C2: variants seen among roughly 807,000 people sequenced by gnomAD.
C2 encodes C3/C5 convertase.
A neutral mutation model predicts 85.2 loss-of-function variants in C2; 64 were observed. That is an observed-to-expected ratio of 0.75 (90% CI 0.61 to 0.92). The LOEUF (loss-of-function observed/expected upper bound fraction) is 0.92. C2 is among the 40% of genes least tolerant of loss of function. The pLI, the probability that C2 is intolerant of heterozygous loss-of-function variation, is 0.00. For synonymous variants in C2, 311 were observed against 370.8 expected, an observed-to-expected ratio of 0.84 and a Z score of 1.85; for missense variants, 820 against 971.6, an observed-to-expected ratio of 0.84 and a Z score of 2.07.
In C2 at chr6:31,945,578, CCA is replaced by C. The variant is rs577320124; in HGVS notation, c.*222_*223del. The C allele has an allele frequency of 9.4e-5, 56 of 598,682 alleles. No homozygotes were observed. In the Admixed American group the frequency reaches 1.4e-3, roughly 15 times the overall value. The allele number at this position is 598,682 out of a possible 1,614,324, so 37.1% of individuals were successfully genotyped here. ...CCACCTCCCGCTCCTTGGCCTGTCCCCAGATTCCTTCCCTGGTTGACTTGACT... is the reference window on the plus strand; with the variant it reads ...CCACCTCCCGCTCCTTGGCCTGTCCCGATTCCTTCCCTGGTTGACTTGACT... On this transcript the variant is annotated 3_prime_UTR_variant, in exon 18 of 18. Coordinates refer to ENST00000299367, the MANE Select transcript of C2 (RefSeq NM_000063.6). This position sits in a 1 kb window ranked among gnomAD's most constrained non-coding sequence, Gnocchi z 5.3.
At chr6:31,932,595 GA>G (rs1769978429) in intron 3 of C2, 9 of 161,842 alleles carry the variant, frequency 5.6e-5, no homozygotes, top group African/African-American at 1.3e-4. Flanking sequence ...TCCTAGATGG[GA>G]TGGCGGCCGG....
intron 1 of C2, among the ~76,000 whole-genome samples, chr6:31,909,535 C>T (rs1767946272): frequency 6.6e-6 from 1 of 152,002 alleles, no homozygotes; most frequent in South Asian, 2.1e-4. Flanking sequence ...AAGGGATCCG[C>T]CTGCCTTGGC....
intron 3 of C2, among the ~76,000 whole-genome samples, chr6:31,931,677 A>G (rs1329271494): frequency 3.9e-5 from 6 of 152,146 alleles, no homozygotes; most frequent in East Asian, 1.9e-4. Context: ...CTACACAGAC[A>G]CGGCAACCAT....
intron 3 of C2, 92 bp downstream of exon 3, chr6:31,929,009 T>A: frequency 1.7e-6 from 2 of 1,182,682 alleles, no homozygotes; most frequent in South Asian, 2.9e-5. Flanking sequence ...TCTGTGGGGA[T>A]AGGAGTCTGT....
In C2 at chr6:31,906,763, A is replaced by T. The variant is rs1441365858; in HGVS notation, c.73+5624A>T. ...ATGACCTAATCCATATCCCAAGTTT[A>T]AAAAAAAAATTGTTCATTTTATTTT... On this transcript the variant is annotated intron_variant, in intron 1 of 3. Coordinates refer to the C2 transcript ENST00000452202. Among the ~76,000 whole-genome samples the T allele has an allele frequency of 1.3e-5, 2 of 150,244 alleles. 1 individual carries two copies. Among genetic ancestry groups the T allele is most frequent in the Non-Finnish European group, 3.0e-5 (2 of 67,500 alleles).
chr6:31,911,850 G>A (rs998191015), intron 1 of C2, among the ~76,000 whole-genome samples: 9 of 150,872 alleles, frequency 6.0e-5, no homozygotes, highest in Non-Finnish European at 1.2e-4. Context: ...AGCTGGTCTC[G>A]CACTCCTGAC....
chr6:31,945,421 A>C lies in C2; in HGVS notation c.*64A>C. On this transcript the variant is annotated 3_prime_UTR_variant, in exon 18 of 18. Coordinates refer to ENST00000299367, the MANE Select transcript of C2 (RefSeq NM_000063.6). This position sits in a 1 kb window ranked among gnomAD's most constrained non-coding sequence, Gnocchi z 5.3. Reference sequence around the variant, plus strand: ...GCCGCCCCTCCATCTTCTACCTCTGAATGGCCACCCTTAGACCCTGTGATC... The same window carrying C: ...GCCGCCCCTCCATCTTCTACCTCTGCATGGCCACCCTTAGACCCTGTGATC... The C allele has an allele frequency of 6.9e-7, 1 of 1,452,554 alleles. No homozygotes were observed. Among genetic ancestry groups the C allele is most frequent in the Non-Finnish European group, 9.6e-7 (1 of 1,038,474 alleles). The allele number at this position is 1,452,554 out of a possible 1,614,324, so 90.0% of individuals were successfully genotyped here.
Position 31,935,985 on chromosome 6 carries a change from C to T in C2, c.912C>T (p.Val304=). The change falls in exon 7 of 18, where the codon GTC becomes GTT. Residue 304 remains valine, a synonymous_variant. Coordinates refer to ENST00000299367, the MANE Select transcript of C2 (RefSeq NM_000063.6). The surrounding 1 kb of genome is among the most constrained non-coding windows in gnomAD (Gnocchi z 4.3). ...AIITFASEPK[V]LMSVLNDNSR... ...TCACCTTTGCCTCAGAGCCCAAAGT[C>T]CTCATGTCTGTCCTGAACGACAACT... 3 of 1,613,044 alleles carry T rather than the reference C, an allele frequency of 1.9e-6. No homozygotes were observed. The highest frequency in any genetic ancestry group is 2.5e-6 in the Non-Finnish European group (3 of 1,180,010).
At chr6:31,927,710 C>T, upstream of C2, 3 of 1,612,868 alleles carry the variant, frequency 1.9e-6, no homozygotes, top group Non-Finnish European at 2.5e-6. The surrounding 1 kb of genome is among the most constrained non-coding windows in gnomAD (Gnocchi z 4.7). Flanking sequence ...GACCTTTTCC[C>T]TCCCGCGGCT....
intron 3 of C2, among the ~76,000 whole-genome samples, chr6:31,931,225 A>G (rs902086729): frequency 1.3e-5 from 2 of 149,664 alleles, no homozygotes; most frequent in African/African-American, 4.9e-5. Flanking sequence ...GATTATTTCC[A>G]GTTTGGGGCC....
At chr6:31,899,264 A>G (rs1223555583), upstream of C2, among the ~76,000 whole-genome samples, 1 of 20,584 alleles carries the variant, frequency 4.9e-5, no homozygotes, top group Non-Finnish European at 9.8e-5. Context: ...CCCCACCCCC[A>G]TGACTATCCA....
upstream of C2, among the ~76,000 whole-genome samples, chr6:31,923,982 A>G (rs1769126525): frequency 1.3e-5 from 2 of 149,670 alleles, no homozygotes; most frequent in Non-Finnish European, 3.0e-5. Context: ...TGTATTTTTT[A>G]GTAGAGACGG....
upstream of C2, among the ~76,000 whole-genome samples, chr6:31,919,566 C>CT (rs773868872): frequency 7.9e-5 from 12 of 152,212 alleles, no homozygotes; most frequent in Non-Finnish European, 8.8e-5. Flanking sequence ...TCCCCAGAGG[C>CT]AACTCTCCTA....
chr6:31,918,847 C>T (rs149936534), upstream of C2, among the ~76,000 whole-genome samples: 165 of 133,678 alleles, frequency 1.2e-3, 1 homozygote, highest in Admixed American at 0.01. Flanking sequence ...TGCATCACTG[C>T]ACTCCAGCCT....
At chr6:31,915,874 A>G (rs980047127), upstream of C2, among the ~76,000 whole-genome samples, 3 of 152,240 alleles carry the variant, frequency 2.0e-5, no homozygotes, top group Non-Finnish European at 2.9e-5. Context: ...GGGAAAATTC[A>G]TGAAGAGCCT....
In C2 at chr6:31,943,196, C is replaced by T. The variant is rs754392763; in HGVS notation, c.1361-29C>T. 2 of 1,612,538 alleles carry T rather than the reference C, an allele frequency of 1.2e-6. No individual in the cohort carries two copies. Among genetic ancestry groups the T allele is most frequent in the Non-Finnish European group, 1.7e-6 (2 of 1,179,552 alleles). On this transcript the variant is annotated intron_variant, in intron 10 of 17. Transcript: ENST00000299367. The surrounding 1 kb of genome is among the most constrained non-coding windows in gnomAD (Gnocchi z 6.4). ...TGGACACAGTGCCCCTCACTTGCCT[C>T]CTTCCCCATCTGATCCTCACACCCA... is the stretch of plus-strand genomic sequence containing the variant.
At chr6:31,919,907 G>T (rs753973010), upstream of C2, 2 of 152,100 alleles carry the variant, frequency 1.3e-5, no homozygotes, top group Non-Finnish European at 2.9e-5. Flanking sequence ...AAATATCCTG[G>T]TACCTTTTAT....
intron 3 of C2, chr6:31,932,350 C>T: frequency 4.7e-6 from 1 of 214,112 alleles, no homozygotes; most frequent in Non-Finnish European, 9.5e-6. Context: ...GGGCTCCTCA[C>T]TTCTCAGACA....
rs1771006329 is a variant in C2, at chr6:31,942,979, G to A, written c.1240G>A (p.Gly414Ser). The part of the protein sequence containing the change: ...DYLDIYAIGV[G>S]KLDVDWRELN... Reference sequence around the variant, plus strand: ...ACCAGACATCTATGCCATCGGGGTGGGCAAGCTGGATGTGGACTGGAGAGA... The same window carrying A: ...ACCAGACATCTATGCCATCGGGGTGAGCAAGCTGGATGTGGACTGGAGAGA... The change falls in exon 10 of 18, where the codon GGC becomes AGC. Residue 414 changes from glycine to serine, a missense_variant. Coordinates refer to ENST00000299367, the MANE Select transcript of C2 (RefSeq NM_000063.6). 6.2e-7 allele frequency: 1 copy of A among 1,613,102 alleles called. No homozygotes were observed. The highest frequency in any genetic ancestry group is 8.5e-7 in the Non-Finnish European group (1 of 1,180,056).
Sources: allele counts gnomAD v4.1 joint callset (sites outside exome capture counted in the v4.1 genomes callset), GRCh38; gene constraint gnomAD v4.1.1; non-coding constraint Gnocchi (gnomAD v3.1); transcripts MANE v1.5; gene names NCBI Gene and HGNC (gene_info 2026-07-23, HGNC 2026-07-21).